Variants in DBH observed in about 807,000 individuals in gnomAD.
The protein encoded by DBH is dopamine beta-hydroxylase (dopamine beta-monooxygenase).
DBH carries 49 observed loss-of-function variants against 64.0 expected under a neutral mutation model. That is an observed-to-expected ratio of 0.77 (90% CI 0.61 to 0.97). DBH has a LOEUF of 0.97. DBH is among the 50% of genes least tolerant of loss of function. DBH has a pLI of 0.00. For missense variants in DBH, 828 were observed against 826.6 expected, an observed-to-expected ratio of 1.00 and a Z score of -0.02; for synonymous variants, 343 against 347.1, an observed-to-expected ratio of 0.99 and a Z score of 0.13.
rs778828919 is a variant in DBH, at chr9:133,636,572, C to T, written c.201C>T (p.Tyr67=). ...GSLELSWNVS[Y]TQEAIHFQLL... The stretch of plus-strand genomic sequence containing the variant: ...TGGAGCTCTCATGGAATGTCAGCTA[C>T]ACCCAGGAGGCCATCCATTTCCAGC... Residue 67 remains tyrosine (Y), a synonymous_variant, in exon 1 of 12, where the codon TAC becomes TAT. Coordinates refer to ENST00000393056, the MANE Select transcript of DBH (RefSeq NM_000787.4). The T allele has an allele frequency of 1.9e-6, 3 of 1,613,702 alleles. No individual in the cohort carries two copies. Among genetic ancestry groups the T allele is most frequent in the East Asian group, 4.5e-5 (2 of 44,888 alleles).
chr9:133,652,317 C>T (rs1229148546), intron 8 of DBH, 33 bp downstream of exon 8: 3 of 1,610,516 alleles, frequency 1.9e-6, no homozygotes, highest in Non-Finnish European at 2.5e-6. Flanking sequence ...GTCCCACTCA[C>T]TGCCACCAGC....
intron 1 of DBH, among the ~76,000 whole-genome samples, chr9:133,638,926 C>A (rs546843342): frequency 1.3e-5 from 2 of 152,208 alleles, no homozygotes; most frequent in South Asian, 4.1e-4. Flanking sequence ...CCCTTAGGGC[C>A]CAGTGCAAGG....
chr9:133,652,141 C>A (rs568798012), intron 7 of DBH, 105 bp from the exon 8 acceptor site: 10 of 1,331,874 alleles, frequency 7.5e-6, no homozygotes, highest in Non-Finnish European at 1.1e-5. Flanking sequence ...AAAATGGACA[C>A]CCCCAGAGGT....
rs920273452 is a variant in DBH at position 133,642,441 on chromosome 9, T to G, written c.721T>G (p.Phe241Val). ...WCYIKELPKG[F>V]SRHHIIKYEP... is the part of the protein sequence containing the mutation. ...CTACATTAAGGAGCTTCCAAAGGGC[T>G]TCTCTCGGCACCACATTATCAAGGT... The change falls in exon 3 of 12, where the codon TTC (phenylalanine) becomes GTC (valine). Residue 241 changes from phenylalanine to valine, a missense_variant. Phe to Val is a conservative substitution (Grantham distance 50, BLOSUM62 -1). Coordinates refer to ENST00000393056, the MANE Select transcript of DBH (RefSeq NM_000787.4). 9 of 1,611,938 alleles carry G rather than the reference T, an allele frequency of 5.6e-6. No individual in the cohort carries two copies. Among genetic ancestry groups the G allele is most frequent in the Middle Eastern group, 1.6e-4 (1 of 6,082 alleles).
chr9:133,642,714 T>A (rs1424673232), intron 3 of DBH, among the ~76,000 whole-genome samples: 1 of 152,138 alleles, frequency 6.6e-6, no homozygotes, highest in African/African-American at 2.4e-5. Context: ...GTGACCAACA[T>A]CTTGACTTCT....
rs7862391 is a variant in DBH at position 133,651,790 on chromosome 9, A to G, written c.1335+13A>G. ...CCCTCACTTCCAGGTAGGAACCTGC[A>G]CCCCACCCCTGCCCCGCCCCCACAC... On this transcript the variant is annotated intron_variant, in intron 7 of 11. Coordinates refer to ENST00000393056, the MANE Select transcript of DBH (RefSeq NM_000787.4). 0.036 allele frequency: 55,695 copies of G among 1,554,514 alleles called. 3,509 individuals are homozygous for G. Among genetic ancestry groups the G allele is most frequent in the African/African-American group, 0.28 (20,025 of 72,522 alleles).
chr9:133,657,451 GGA>G (rs1268491581), intron 11 of DBH: 7,760 of 289,116 alleles, frequency 0.027, 196 homozygotes, highest in South Asian at 0.1. Flanking sequence ...AGGAGAGAGA[GGA>G]GAGAGGGAGA....
At position 133,644,205 on chromosome 9, in the gene DBH, T is replaced by TTGCC. The variant is rs1427319517; in HGVS notation, c.922-12_922-9dup. 2 of 1,605,314 alleles carry TTGCC rather than the reference T, an allele frequency of 1.2e-6. No homozygotes were observed. ...AGGACACACCCGTCTGTCTGACACC[T>TTGCC]TGCCCCACACAGGCATTTTACTACC... On this transcript the variant is annotated splice_polypyrimidine_tract_variant and intron_variant, in intron 4 of 11. Coordinates refer to ENST00000393056, the MANE Select transcript of DBH (RefSeq NM_000787.4).
chr9:133,639,724 G>A lies in DBH; in HGVS notation c.340-122G>A, dbSNP rs1832093705. ...GAACCCTCAGATCCACAGGGACTGA[G>A]GCCCAGCATCCCCAGATCAGCTGGC... On this transcript the variant is annotated intron_variant, in intron 1 of 11. Coordinates refer to ENST00000393056, the MANE Select transcript of DBH (RefSeq NM_000787.4). 2.8e-6 allele frequency: 3 copies of A among 1,073,934 alleles called. No individual in the cohort carries two copies. The South Asian group carries it at 4.1e-5, about 15-fold the overall frequency. 66.5% of individuals were successfully genotyped at this position (1,073,934 alleles called of 1,614,324 possible).
intron 11 of DBH, among the ~76,000 whole-genome samples, chr9:133,657,491 G>A (rs971922438): frequency 2.0e-5 from 3 of 147,704 alleles, no homozygotes; most frequent in Non-Finnish European, 4.5e-5. Flanking sequence ...AGAGAGGAGA[G>A]AGAGAGGAGA....
At position 133,643,602 on chromosome 9, in the gene DBH, C is replaced by A. The variant is rs375412433; in HGVS notation, c.921+13C>A. The A allele has an allele frequency of 3.3e-5, 53 of 1,612,912 alleles. No homozygotes were observed. Among genetic ancestry groups the A allele is most frequent in the East Asian group, 3.1e-4 (14 of 44,830 alleles). On this transcript the variant is annotated intron_variant, in intron 4 of 11. Coordinates refer to ENST00000393056, the MANE Select transcript of DBH (RefSeq NM_000787.4). The surrounding 1 kb of genome is among the most constrained non-coding windows in gnomAD (Gnocchi z 5.3). ...CCTGGGTGCCAAGGTGCGTGCCCTG[C>A]GACCCCAGCATGGTGTCTCCTGCCT... is the stretch of plus-strand genomic sequence containing the variant.
intron 2 of DBH, among the ~76,000 whole-genome samples, chr9:133,641,323 G>C (rs1347766465): frequency 2.0e-5 from 3 of 152,216 alleles, no homozygotes; most frequent in African/African-American, 7.2e-5. Flanking sequence ...CCAGGAGGTT[G>C]TTGAGCCCTT....
chr9:133,640,652 T>C (rs1470003004), intron 2 of DBH, among the ~76,000 whole-genome samples: 1 of 152,216 alleles, frequency 6.6e-6, no homozygotes, highest in Non-Finnish European at 1.5e-5. Flanking sequence ...GTGTAAGTAA[T>C]CCTTTGGTGT....
intron 11 of DBH, chr9:133,657,444 AGAGAGAGG>A: frequency 2.6e-6 from 1 of 386,900 alleles, no homozygotes. Context: ...GAGAGAGAGG[AGAGAGAGG>A]AGAGAGGGAG....
rs144742734 is a variant in DBH, at chr9:133,657,091, C to T, written c.1584C>T (p.Cys528=). 8 of 1,614,008 alleles carry T rather than the reference C, an allele frequency of 5.0e-6. No homozygotes were observed. Among genetic ancestry groups the T allele is most frequent in the Admixed American group, 1.7e-5 (1 of 60,038 alleles). Residue 528 remains cysteine, a synonymous_variant, in exon 11 of 12, where the codon TGC becomes TGT. Coordinates refer to ENST00000393056, the MANE Select transcript of DBH (RefSeq NM_000787.4). ...LINRFNNEDV[C]TCPQASVSQQ... Reference sequence around the variant, plus strand: ...CCAGGTTCAACAACGAGGATGTCTGCACCTGCCCTCAGGCGTCCGTGTCTC... The same window carrying T: ...CCAGGTTCAACAACGAGGATGTCTGTACCTGCCCTCAGGCGTCCGTGTCTC...
rs1832252029 is a variant in DBH, at chr9:133,651,784, A to G, written c.1335+7A>G. 6.4e-7 allele frequency: 1 copy of G among 1,570,368 alleles called. No individual in the cohort carries two copies. The highest frequency in any genetic ancestry group is 8.6e-7 in the Non-Finnish European group (1 of 1,159,046). ...CTACAGCCCTCACTTCCAGGTAGGA[A>G]CCTGCACCCCACCCCTGCCCCGCCC... is the stretch of plus-strand genomic sequence containing the variant. On this transcript the variant is annotated splice_region_variant and intron_variant, in intron 7 of 11. Coordinates refer to ENST00000393056, the MANE Select transcript of DBH (RefSeq NM_000787.4).
intron 9 of DBH, chr9:133,655,608 C>T (rs1323728835): frequency 6.6e-6 from 1 of 152,390 alleles, no homozygotes; most frequent in Non-Finnish European, 1.5e-5. Flanking sequence ...AAGCTTTGCC[C>T]AGTCCCTTTG....
chr9:133,657,433 GGA>G (rs756760706), intron 11 of DBH: 8,284 of 467,672 alleles, frequency 0.018, 223 homozygotes, highest in Non-Finnish European at 0.024. Context: ...AGGAGAGAGA[GGA>G]GAGAGAGGAG....
chr9:133,639,950 G>A lies in DBH; in HGVS notation c.444G>A (p.Lys148=). 6.2e-7 allele frequency: 1 copy of A among 1,613,966 alleles called. No homozygotes were observed. Among genetic ancestry groups the A allele is most frequent in the Non-Finnish European group, 8.5e-7 (1 of 1,179,996 alleles). ...RTPEGLTLLF[K]RPFGTCDPKD... is the part of the protein sequence containing the mutation. ...CAGAAGGCCTGACCCTGCTTTTCAA[G>A]AGGCCCTTTGGCACCTGCGACCCCA... Residue 148 remains lysine (K), a synonymous_variant, in exon 2 of 12, where the codon AAG becomes AAA. Coordinates refer to ENST00000393056, the MANE Select transcript of DBH (RefSeq NM_000787.4).
Sources: allele counts gnomAD v4.1 joint callset (sites outside exome capture counted in the v4.1 genomes callset), GRCh38; gene constraint gnomAD v4.1.1; non-coding constraint Gnocchi (gnomAD v3.1); transcripts MANE v1.5; gene names NCBI Gene and HGNC (gene_info 2026-07-23, HGNC 2026-07-21).